The following ULK4 variants were observed in gnomAD, a reference collection of about 807,000 sequenced individuals.
The protein encoded by ULK4 is inactive serine/threonine-protein kinase ULK4.
A neutral mutation model predicts 160.6 loss-of-function variants in ULK4; 133 were observed. The observed-to-expected ratio is 0.83, with a 90% CI of 0.72 to 0.96. The LOEUF is 0.96. Ranked by LOEUF, ULK4 falls within the 40% of genes least tolerant of loss-of-function variation. The pLI, the probability that ULK4 is intolerant of heterozygous loss-of-function variation, is 0.00. For synonymous variants in ULK4, 534 were observed against 539.8 expected (o/e 0.99, Z 0.15); for missense variants, 1,580 against 1,499.5 (o/e 1.05, Z -0.89).
chr3:41,680,320 C>T (rs1486756257), intron 29 of ULK4, among the ~76,000 whole-genome samples: 1 of 152,060 alleles, frequency 6.6e-6, no homozygotes, highest in Non-Finnish European at 1.5e-5. Flanking sequence ...TCTTACAGTA[C>T]ATATTAATTA....
intron 35 of ULK4, among the ~76,000 whole-genome samples, chr3:41,262,123 C>T (rs1360004193): frequency 6.6e-6 from 1 of 152,216 alleles, no homozygotes; most frequent in Non-Finnish European, 1.5e-5. Flanking sequence ...CCCCAGTCAC[C>T]ATGTTGCCCT....
chr3:41,622,326 A>G (rs1257581294), intron 30 of ULK4, among the ~76,000 whole-genome samples: 1 of 152,230 alleles, frequency 6.6e-6, no homozygotes, highest in African/African-American at 2.4e-5. Flanking sequence ...CACTATTTAC[A>G]ATAGTAAAGA....
intron 36 of ULK4, 114 bp from the exon 37 acceptor site, chr3:41,247,106 G>T (rs571010674): frequency 1.6e-5 from 16 of 1,005,360 alleles, no homozygotes; most frequent in Non-Finnish European, 2.4e-5. Context: ...ACCAGCTGCA[G>T]CATCCTCTTG....
chr3:41,414,453 T>C (rs1423565599), intron 34 of ULK4, among the ~76,000 whole-genome samples: 1 of 152,258 alleles, frequency 6.6e-6, no homozygotes, highest in East Asian at 1.9e-4. Context: ...TTATCCAATC[T>C]ACACAATATA....
At chr3:41,797,445 C>T (rs1203075755) in intron 20 of ULK4, among the ~76,000 whole-genome samples, 1 of 152,166 alleles carries the variant, frequency 6.6e-6, no homozygotes, top group Non-Finnish European at 1.5e-5. Context: ...GAAACACAGA[C>T]AGACCCAGGT....
chr3:41,409,181 A>G (rs958359430), intron 34 of ULK4, among the ~76,000 whole-genome samples: 20 of 152,198 alleles, frequency 1.3e-4, no homozygotes, highest in Admixed American at 1.3e-3. Context: ...GATTAAGCCC[A>G]GGAGGCGGAG....
At chr3:41,535,013 C>T (rs1034054570) in intron 32 of ULK4, among the ~76,000 whole-genome samples, 2 of 151,950 alleles carry the variant, frequency 1.3e-5, no homozygotes, top group African/African-American at 4.8e-5. Context: ...AAGGGGAAAA[C>T]GTAAGTTAAT....
At chr3:41,554,971 T>C (rs74845623) in intron 32 of ULK4, among the ~76,000 whole-genome samples, 3,113 of 151,694 alleles carry the variant, frequency 0.021, 113 homozygotes, top group African/African-American at 0.072. Context: ...AAAAGAAAAA[T>C]GATCAAAGCA....
intron 9 of ULK4, 120 bp from the exon 10 acceptor site, chr3:41,911,779 G>C: frequency 1.3e-6 from 1 of 750,394 alleles, no homozygotes; most frequent in Non-Finnish European, 2.2e-6. Context: ...CAAAGTTACA[G>C]AATCTCTTAA....
chr3:41,958,714 CAA>C (rs201705820), intron 1 of ULK4, among the ~76,000 whole-genome samples: 1 of 121,504 alleles, frequency 8.2e-6, no homozygotes, highest in Non-Finnish European at 1.8e-5. Flanking sequence ...GAAACTGTCT[CAA>C]AAAAAAAAAA....
At chr3:41,499,190 T>C (rs558053707) in intron 32 of ULK4, among the ~76,000 whole-genome samples, 9 of 152,302 alleles carry the variant, frequency 5.9e-5, no homozygotes, top group Admixed American at 2.6e-4. Flanking sequence ...AATATTTTTA[T>C]TGAGCTAGGA....
intron 30 of ULK4, among the ~76,000 whole-genome samples, chr3:41,645,260 T>C (rs537025126): frequency 1.3e-4 from 20 of 151,752 alleles, no homozygotes; most frequent in Non-Finnish European, 2.6e-4. Context: ...GCTCTTGCTT[T>C]TCTAGTTCTT....
At chr3:41,927,902 T>G (rs1040254054) in intron 5 of ULK4, among the ~76,000 whole-genome samples, 1 of 152,118 alleles carries the variant, frequency 6.6e-6, no homozygotes, top group African/African-American at 2.4e-5. Flanking sequence ...CACACCATAA[T>G]AGTGGGAGAC....
At chr3:41,604,045 T>C (rs546094280) in intron 31 of ULK4, among the ~76,000 whole-genome samples, 2 of 151,876 alleles carry the variant, frequency 1.3e-5, no homozygotes, top group African/African-American at 2.4e-5. Flanking sequence ...TTAGATGAAA[T>C]AGAGAAGAAA....
intron 32 of ULK4, among the ~76,000 whole-genome samples, chr3:41,557,820 G>T (rs2087357330): frequency 6.6e-6 from 1 of 151,776 alleles, no homozygotes; most frequent in African/African-American, 2.4e-5. Flanking sequence ...ATATATAATG[G>T]TGGAAAAGTC....
intron 32 of ULK4, among the ~76,000 whole-genome samples, chr3:41,514,961 A>T (rs1256541663): frequency 6.6e-6 from 1 of 152,238 alleles, no homozygotes; most frequent in Non-Finnish European, 1.5e-5. Flanking sequence ...GTCACTAAAG[A>T]ACAGATATGC....
intron 17 of ULK4, among the ~76,000 whole-genome samples, chr3:41,875,592 G>C (rs1697267320): frequency 1.3e-5 from 2 of 152,110 alleles, no homozygotes; most frequent in African/African-American, 2.4e-5. Context: ...CTGTAGTCCA[G>C]CCTGAACAAC....
chr3:41,944,208 C>A (rs1312903754), intron 2 of ULK4, among the ~76,000 whole-genome samples: 1 of 152,150 alleles, frequency 6.6e-6, no homozygotes, highest in Non-Finnish European at 1.5e-5. Context: ...GCACATAAGC[C>A]AAGTTCAATA....
chr3:41,617,110 T>C (rs2033013360), intron 30 of ULK4, among the ~76,000 whole-genome samples: 1 of 152,160 alleles, frequency 6.6e-6, no homozygotes, highest in Admixed American at 6.5e-5. Context: ...GTCAGGGGCT[T>C]ACAGACAAAA....
Sources: allele counts gnomAD v4.1 joint callset (sites outside exome capture counted in the v4.1 genomes callset), GRCh38; gene constraint gnomAD v4.1.1; transcripts MANE v1.5; gene names NCBI Gene and HGNC (gene_info 2026-07-23, HGNC 2026-07-21).